The following TBK1 variants were observed in gnomAD, a reference collection of about 807,000 sequenced individuals.
TBK1 encodes the protein serine/threonine-protein kinase TBK1.
TBK1 carries 37 observed loss-of-function variants against 99.9 expected under a neutral mutation model. The observed-to-expected ratio is 0.37, with a 90% confidence interval of 0.28 to 0.49. The LOEUF is 0.49. Ranked by LOEUF, TBK1 falls within the 20% of genes least tolerant of loss-of-function variation. TBK1 has a pLI of 0.98. For missense variants in TBK1, 644 were observed against 872.5 expected, an observed-to-expected ratio of 0.74 and a Z score of 3.30; for synonymous variants, 258 against 279.8, an observed-to-expected ratio of 0.92 and a Z score of 0.78.
intron 1 of TBK1, among the ~76,000 whole-genome samples, chr12:64,453,971 G>A (rs1438238993): frequency 2.0e-5 from 3 of 152,184 alleles, no homozygotes; most frequent in East Asian, 3.9e-4. Context: ...TTTCCTTTAT[G>A]TTTGTCAGGT....
rs773629959 is a variant in TBK1, at chr12:64,484,519, G to T, written c.1189+20G>T. On this transcript the variant is annotated intron_variant, in intron 9 of 20. Coordinates refer to ENST00000331710, the MANE Select transcript of TBK1 (RefSeq NM_013254.4). ...AAAAAAGTAAGTTGGGATTTTTCTTGTCGTTCTTACTAGCCATTAGAAAAA... is the reference window on the plus strand; with the variant it reads ...AAAAAAGTAAGTTGGGATTTTTCTTTTCGTTCTTACTAGCCATTAGAAAAA... 1.9e-6 allele frequency: 3 copies of T among 1,590,042 alleles called. No individual in the cohort carries two copies. The South Asian group carries it at 3.5e-5, about 18-fold the overall frequency.
Position 64,496,968 on chromosome 12 carries a change from G to A in TBK1, c.1780G>A (p.Ala594Thr). Residue 594 changes from alanine (A) to threonine (T), a missense_variant, in exon 17 of 21, where the codon GCC (alanine) becomes ACC (threonine). Ala to Thr is a moderately conservative substitution (Grantham distance 58). Transcript: ENST00000331710. Reference sequence around the variant, plus strand: ...TTACAGGCAAAAACTGTATTACCATGCCACAAAAGCTATGACGCACTTTAC... The same window carrying A: ...TTACAGGCAAAAACTGTATTACCATACCACAAAAGCTATGACGCACTTTAC... Reference protein sequence around the residue: ...KFDKQKLYYHATKAMTHFTDE... With the variant: ...KFDKQKLYYHTTKAMTHFTDE... The A allele has an allele frequency of 6.2e-7, 1 of 1,612,422 alleles. No individual in the cohort carries two copies. Among genetic ancestry groups the A allele is most frequent in the Non-Finnish European group, 8.5e-7 (1 of 1,179,104 alleles).
chr12:64,477,249 T>C (rs1312263587), intron 6 of TBK1, among the ~76,000 whole-genome samples: 2 of 152,248 alleles, frequency 1.3e-5, no homozygotes, highest in Non-Finnish European at 1.5e-5. Context: ...TGTAGATTGC[T>C]CTGCGCAGTA....
chr12:64,495,645 G>A (rs749409737), intron 14 of TBK1, 41 bp downstream of exon 14: 15 of 1,612,488 alleles, frequency 9.3e-6, no homozygotes, highest in African/African-American at 1.3e-5. Flanking sequence ...TCTTATTAAT[G>A]TCCTTTTTCA....
In TBK1 at chr12:64,460,168, ATT is replaced by A; in HGVS notation, c.88-19_88-18del. On this transcript the variant is annotated intron_variant, in intron 2 of 20. Transcript: ENST00000331710. ...TTACAATATTATGAATAAATAAAAC[ATT>A]TCTCTCTCTTTTTTAAAGAAAACTG... is the stretch of plus-strand genomic sequence containing the variant. 1 of 1,426,438 alleles carries A rather than the reference ATT, an allele frequency of 7.0e-7. No individual in the cohort carries two copies. Among genetic ancestry groups the A allele is most frequent in the South Asian group, 1.4e-5 (1 of 69,900 alleles). 88.4% of individuals were successfully genotyped at this position (1,426,438 alleles called of 1,614,324 possible).
intron 1 of TBK1, among the ~76,000 whole-genome samples, chr12:64,453,365 G>A (rs2040449118): frequency 6.6e-6 from 1 of 152,156 alleles, no homozygotes; most frequent in South Asian, 2.1e-4. Flanking sequence ...ACATTGATTA[G>A]GGAAGGTTTT....
intron 1 of TBK1, among the ~76,000 whole-genome samples, chr12:64,453,237 G>T (rs991237728): frequency 1.1e-4 from 17 of 152,186 alleles, no homozygotes; most frequent in African/African-American, 4.1e-4. Flanking sequence ...CTGTTAAATA[G>T]AAACCATAGT....
intron 14 of TBK1, 29 bp downstream of exon 14, chr12:64,495,633 GC>G (rs1353580873): frequency 6.2e-7 from 1 of 1,613,020 alleles, no homozygotes. Flanking sequence ...CGTAGTTTCT[GC>G]TCTTATTAAT....
chr12:64,479,416 A>G (rs2040745623), intron 6 of TBK1, among the ~76,000 whole-genome samples: 1 of 152,204 alleles, frequency 6.6e-6, no homozygotes, highest in Admixed American at 6.5e-5. Flanking sequence ...CAAATGGTCT[A>G]AATCAGTTGT....
intron 3 of TBK1, among the ~76,000 whole-genome samples, chr12:64,462,196 G>A (rs563299679): frequency 6.6e-6 from 1 of 152,198 alleles, no homozygotes; most frequent in Non-Finnish European, 1.5e-5. Flanking sequence ...CAGAAGTCTT[G>A]TTCTTTCAGA....
chr12:64,470,173 G>A (rs974805582), intron 5 of TBK1, among the ~76,000 whole-genome samples: 5 of 152,144 alleles, frequency 3.3e-5, no homozygotes, highest in African/African-American at 1.2e-4. Context: ...CAGGCTAGTA[G>A]TTTAAACCCT....
chr12:64,469,727 A>T (rs1312512500), intron 5 of TBK1, among the ~76,000 whole-genome samples: 2 of 152,166 alleles, frequency 1.3e-5, no homozygotes, highest in Non-Finnish European at 2.9e-5. Flanking sequence ...CTTCAAATTC[A>T]ATGATTAGAT....
In TBK1 at chr12:64,481,964, A is replaced by T. The variant is rs1318065280; in HGVS notation, c.935A>T (p.His312Leu). The T allele has an allele frequency of 6.2e-7, 1 of 1,608,576 alleles. No individual in the cohort carries two copies. The highest frequency in any genetic ancestry group is 8.5e-7 in the Non-Finnish European group (1 of 1,177,556). The change falls in exon 8 of 21, where the codon CAT (histidine) becomes CTT (leucine). Residue 312 changes from histidine (H) to leucine (L), a missense_variant. Around this residue, in one of 3 missense-constraint regions of TBK1, gnomAD observed 465 missense variants for 588.0 expected, o/e 0.79. Transcript: ENST00000331710. ...TSDILHRMVIHVFSLQQMTAH... is the reference protein window; with the variant it reads ...TSDILHRMVILVFSLQQMTAH... ...GATATACTTCACCGAATGGTAATTC[A>T]TGTTTTTTCGCTACAACAAATGACA...
rs139262464 is a variant in TBK1 at position 64,468,370 on chromosome 12, G to A, written c.540+1288G>A. Among the ~76,000 whole-genome samples, 853 of 152,020 alleles carry A rather than the reference G, an allele frequency of 5.6e-3. 10 individuals are homozygous for A. Among genetic ancestry groups the A allele is most frequent in the African/African-American group, 0.019 (778 of 41,454 alleles). ...TAGCTGGGTGTGGTGGCGTGTGCCTGTAATCTCAGCTACTTTGGGAGGTTG... is the reference window on the plus strand; with the variant it reads ...TAGCTGGGTGTGGTGGCGTGTGCCTATAATCTCAGCTACTTTGGGAGGTTG... On this transcript the variant is annotated intron_variant, in intron 5 of 20. Coordinates refer to ENST00000331710, the MANE Select transcript of TBK1 (RefSeq NM_013254.4).
At chr12:64,468,657 A>G (rs573626782) in intron 5 of TBK1, among the ~76,000 whole-genome samples, 1 of 152,330 alleles carries the variant, frequency 6.6e-6, no homozygotes, top group Non-Finnish European at 1.5e-5. Flanking sequence ...TGGTAGGGAA[A>G]AAAGACAATT....
chr12:64,463,073 T>G (rs555350655), intron 3 of TBK1, among the ~76,000 whole-genome samples: 92 of 152,236 alleles, frequency 6.0e-4, no homozygotes, highest in Non-Finnish European at 1.2e-3. Context: ...AATGTACTGT[T>G]ATACATAAGA....
intron 2 of TBK1, 141 bp from the exon 3 acceptor site, chr12:64,460,048 G>GT (rs2040529124): frequency 2.1e-6 from 1 of 480,450 alleles, no homozygotes; most frequent in African/African-American, 2.0e-5. Context: ...AAAGTCAAAA[G>GT]TCCTCATACA....
chr12:64,475,947 C>T (rs533786112), intron 6 of TBK1, among the ~76,000 whole-genome samples: 3 of 152,172 alleles, frequency 2.0e-5, no homozygotes, highest in Non-Finnish European at 2.9e-5. Context: ...AGCTGCTTTT[C>T]GTAGGGGCTG....
rs138839127 is a variant in TBK1, at chr12:64,485,929, A to G, written c.1252A>G (p.Ile418Val). 5.1e-6 allele frequency: 8 copies of G among 1,566,466 alleles called. No homozygotes were observed. The African/African-American group carries it at 6.9e-5, about 14-fold the overall frequency. ...LDGDASMAKA[I>V]TGVVCYACRI... ...TGACATTTTATTTCTTTATTAGGCA[A>G]TAACAGGGGTTGTGTGTTATGCCTG... The change falls in exon 11 of 21, where the codon ATA becomes GTA. Residue 418 changes from isoleucine (I) to valine (V), a missense_variant. Physicochemically the swap from Ile to Val is conservative, Grantham distance 29 (BLOSUM62 3). Coordinates refer to ENST00000331710, the MANE Select transcript of TBK1 (RefSeq NM_013254.4).
Sources: allele counts gnomAD v4.1 joint callset (sites outside exome capture counted in the v4.1 genomes callset), GRCh38; gene constraint gnomAD v4.1.1; regional missense constraint gnomAD v4.1.1; transcripts MANE v1.5; gene names NCBI Gene and HGNC (gene_info 2026-07-23, HGNC 2026-07-21).